The following PDE10A variants were observed in gnomAD, a reference collection of about 807,000 sequenced individuals.
PDE10A encodes phosphodiesterase 10A.
A neutral mutation model predicts 97.7 loss-of-function variants in PDE10A; 39 were observed. That is an observed-to-expected ratio of 0.40 (90% CI 0.31 to 0.52). PDE10A has a LOEUF of 0.52. Among genes scored for constraint, PDE10A ranks in the 20% least tolerant of loss-of-function variants. The pLI, the probability that PDE10A is intolerant of heterozygous loss-of-function variation, is 0.56. For missense variants in PDE10A, 731 were observed against 1,047.8 expected (o/e 0.70, Z 4.17); for synonymous variants, 371 against 376.8 (o/e 0.98, Z 0.18).
rs1790292448 is a variant in PDE10A, at chr6:165,661,990, A to G, written c.822T>C (p.Asn274=). The G allele has an allele frequency of 7.2e-7, 1 of 1,391,576 alleles. No individual in the cohort carries two copies. The highest frequency in any genetic ancestry group is 9.9e-7 in the Non-Finnish European group (1 of 1,007,632). The allele number at this position is 1,391,576 out of a possible 1,614,324, so 86.2% of individuals were successfully genotyped here. The part of the protein sequence containing the change: ...GSDMEDGPSN[N]ASCFRRLTEC... ...CGGTCAGCCTTCGGAAGCAGCTCGC[A>G]TTATTAGAAGGTCCATCTTCCATGT... is the stretch of plus-strand genomic sequence containing the variant. Residue 274 remains asparagine, a synonymous_variant, in exon 1 of 22, where the codon AAT becomes AAC. Coordinates refer to ENST00000539869, the MANE Select transcript of PDE10A (RefSeq NM_001385079.1). This position sits in a 1 kb window ranked among gnomAD's most constrained non-coding sequence, Gnocchi z 4.8.
intron 2 of PDE10A, among the ~76,000 whole-genome samples, chr6:165,527,248 T>G (rs1323557782): frequency 1.3e-5 from 2 of 152,206 alleles, no homozygotes; most frequent in Non-Finnish European, 1.5e-5. Flanking sequence ...ATTTCTCATT[T>G]GGTTGTGTTA....
chr6:165,533,110 G>A (rs1489012765), intron 2 of PDE10A, among the ~76,000 whole-genome samples: 1 of 152,114 alleles, frequency 6.6e-6, no homozygotes, highest in Non-Finnish European at 1.5e-5. Flanking sequence ...TGCTTAGCAA[G>A]TACATTATAC....
At chr6:165,498,580 A>ATAC in intron 2 of PDE10A, among the ~76,000 whole-genome samples, 1 of 151,992 alleles carries the variant, frequency 6.6e-6, no homozygotes, top group East Asian at 1.9e-4. Flanking sequence ...TCTCTGAGGT[A>ATAC]TACAAGATTC....
intron 3 of PDE10A, among the ~76,000 whole-genome samples, chr6:165,464,375 T>C (rs899956020): frequency 2.6e-5 from 4 of 152,178 alleles, no homozygotes; most frequent in Non-Finnish European, 5.9e-5. Flanking sequence ...TATTTGTAAT[T>C]ACCTCACCCA....
intron 2 of PDE10A, among the ~76,000 whole-genome samples, chr6:165,510,209 G>C (rs1015747423): frequency 4.6e-5 from 7 of 151,864 alleles, no homozygotes; most frequent in Non-Finnish European, 7.4e-5. Context: ...GTTAGCTGTG[G>C]GTCTGGCATA....
intron 1 of PDE10A, among the ~76,000 whole-genome samples, chr6:165,586,001 A>T (rs1785890942): frequency 6.6e-6 from 1 of 152,096 alleles, no homozygotes; most frequent in African/African-American, 2.4e-5. Context: ...CACTCACTGG[A>T]CACCATACCC....
intron 1 of PDE10A, among the ~76,000 whole-genome samples, chr6:165,952,941 C>T (rs376615064): frequency 5.9e-5 from 9 of 151,956 alleles, no homozygotes; most frequent in East Asian, 3.9e-4. Flanking sequence ...AACTGCCCAG[C>T]GGCCTCCCTC....
At chr6:165,893,500 G>C (rs906082061) in intron 1 of PDE10A, among the ~76,000 whole-genome samples, 1 of 152,196 alleles carries the variant, frequency 6.6e-6, no homozygotes, top group African/African-American at 2.4e-5. Flanking sequence ...CTAGAATGAG[G>C]CTCAGAGAAG....
chr6:165,759,274 C>A (rs1793196572), intron 1 of PDE10A, among the ~76,000 whole-genome samples: 1 of 113,166 alleles, frequency 8.8e-6, no homozygotes, highest in Non-Finnish European at 2.2e-5. Context: ...TATAAGTTTC[C>A]TGAGCCACAT....
intron 1 of PDE10A, among the ~76,000 whole-genome samples, chr6:165,768,115 A>AT (rs1481439668): frequency 3.3e-5 from 5 of 152,146 alleles, no homozygotes; most frequent in Admixed American, 6.5e-5. Flanking sequence ...TCCTTTGCAC[A>AT]TTTTTTTGTA....
intron 1 of PDE10A, among the ~76,000 whole-genome samples, chr6:165,980,553 A>G (rs1784983552): frequency 1.3e-5 from 2 of 152,250 alleles, no homozygotes; most frequent in Admixed American, 6.5e-5. Flanking sequence ...GTAAGTGGAT[A>G]AAGCAAAGTA....
At chr6:165,796,188 C>T (rs978653429) in intron 1 of PDE10A, among the ~76,000 whole-genome samples, 3 of 150,564 alleles carry the variant, frequency 2.0e-5, no homozygotes, top group African/African-American at 7.4e-5. Flanking sequence ...CTCCGCCTCC[C>T]GAGTTCACGC....
chr6:165,495,343 G>A (rs752344850), intron 2 of PDE10A, among the ~76,000 whole-genome samples: 2 of 151,988 alleles, frequency 1.3e-5, no homozygotes, highest in Admixed American at 6.6e-5. Context: ...AGGAGAGGGG[G>A]TGGAGGGGAA....
At chr6:165,649,742 G>A (rs976026606) in intron 1 of PDE10A, among the ~76,000 whole-genome samples, 1 of 152,166 alleles carries the variant, frequency 6.6e-6, no homozygotes, top group African/African-American at 2.4e-5. Flanking sequence ...AAATGTCAAT[G>A]TCACTTGAGG....
In PDE10A at chr6:165,329,913, C is replaced by G. The variant is rs1050246317; in HGVS notation, c.*3112G>C. 1.3e-5 allele frequency: 2 copies of G among 152,102 alleles called. No individual in the cohort carries two copies. Among genetic ancestry groups the G allele is most frequent in the African/African-American group, 4.8e-5 (2 of 41,432 alleles). The allele number at this position is 152,102 out of a possible 1,614,324, so 9.4% of individuals were successfully genotyped here. A position where few individuals can be genotyped will look rare whatever the true frequency, so the allele number is the denominator to read the frequency against. On this transcript the variant is annotated 3_prime_UTR_variant, in exon 22 of 22. Coordinates refer to ENST00000539869, the MANE Select transcript of PDE10A (RefSeq NM_001385079.1). ...GAGAGAAGTACAGCTGGGAAATGGA[C>G]CAGAGTCTCTGCCCTATTAATAGGG...
chr6:165,936,556 C>A (rs2128491764), intron 1 of PDE10A, among the ~76,000 whole-genome samples: 1 of 152,326 alleles, frequency 6.6e-6, no homozygotes, highest in South Asian at 2.1e-4. Context: ...GTCCCCACCA[C>A]TGGCTGTGTC....
At chr6:165,675,212 C>A (rs1456309617) in intron 1 of PDE10A, among the ~76,000 whole-genome samples, 1 of 152,120 alleles carries the variant, frequency 6.6e-6, no homozygotes, top group African/African-American at 2.4e-5. Flanking sequence ...TTTTTCCCAG[C>A]CTGAGATTTA....
chr6:165,911,293 A>G lies in PDE10A; in HGVS notation c.-615+76236T>C, dbSNP rs140997077. The stretch of plus-strand genomic sequence containing the variant: ...GAGAACATTAAAAACGATTTATTGC[A>G]TTGTTCTGTGAATAGTTCCCCAAAG... On this transcript the variant is annotated intron_variant, in intron 1 of 19. Coordinates refer to the PDE10A transcript ENST00000366882. Among the ~76,000 whole-genome samples, 72 of 152,332 alleles carry G rather than the reference A, an allele frequency of 4.7e-4. 4 individuals carry two copies. The East Asian group carries it at 0.013, about 29-fold the overall frequency.
chr6:165,595,014 G>GT (rs1281602256), intron 1 of PDE10A, among the ~76,000 whole-genome samples: 7 of 152,176 alleles, frequency 4.6e-5, no homozygotes, highest in South Asian at 2.1e-4. Flanking sequence ...TCAAAGTCAC[G>GT]TATCTAGTGA....
Sources: gnomAD v4.1 joint callset for allele counts (sites outside exome capture counted in the v4.1 genomes callset) on GRCh38, gnomAD v4.1.1 for gene constraint, Gnocchi (gnomAD v3.1) non-coding constraint, MANE v1.5 for transcripts, NCBI Gene and HGNC (gene_info 2026-07-23, HGNC 2026-07-21) for gene names.